The following PAK1IP1 variants were observed in gnomAD, a reference collection of about 807,000 sequenced individuals.
The protein encoded by PAK1IP1 is PAK1 interacting protein 1, also known as p21-activated protein kinase-interacting protein 1.
In PAK1IP1, 24 loss-of-function variants were observed where a neutral mutation model predicts 42.0. That is an observed-to-expected ratio of 0.57 (90% confidence interval 0.41 to 0.80). The LOEUF (loss-of-function observed/expected upper bound fraction) is 0.80. PAK1IP1 is among the 30% of genes least tolerant of loss of function. The pLI, the probability that PAK1IP1 is intolerant of heterozygous loss-of-function variation, is 0.00. For missense variants in PAK1IP1, 411 were observed against 467.9 expected (o/e 0.88, Z 1.12); for synonymous variants, 154 against 156.7 (o/e 0.98, Z 0.13).
upstream of PAK1IP1, chr6:10,694,608 C>CGTGTAGATCT: frequency 1.7e-5 from 3 of 178,118 alleles, no homozygotes; most frequent in Non-Finnish European, 3.6e-5. Flanking sequence ...AAGCAACCGG[C>CGTGTAGATCT]CGGAAGTCGG....
In PAK1IP1 at chr6:10,709,606, A is replaced by T. The variant is rs575036157; in HGVS notation, c.*154A>T. 7,746 of 407,424 alleles carry T rather than the reference A, an allele frequency of 0.019. 376 individuals carry two copies. Among genetic ancestry groups the T allele is most frequent in the African/African-American group, 0.15 (5,922 of 38,558 alleles). 25.2% of individuals were successfully genotyped at this position (407,424 alleles called of 1,614,324 possible). A position where few individuals can be genotyped will look rare whatever the true frequency, so the allele number is the denominator to read the frequency against. On this transcript the variant is annotated 3_prime_UTR_variant, in exon 10 of 10. Transcript: ENST00000379568. ...ACCACTTTTAGATGGTTTTTTTTAA[A>T]AAAAAAAAAAAAACTGGTAAAATTA...
At position 10,709,478 on chromosome 6, in the gene PAK1IP1, C is replaced by CT; in HGVS notation, c.*30dup. ...ATCACAGATGTCTCCTGAAAGAACT[C>CT]TTTTAGATGAAATCATTCTACTCAA... On this transcript the variant is annotated 3_prime_UTR_variant, in exon 10 of 10. Transcript: ENST00000379568. 1 of 1,479,110 alleles carries CT rather than the reference C, an allele frequency of 6.8e-7. No individual in the cohort carries two copies. Among genetic ancestry groups the CT allele is most frequent in the Non-Finnish European group, 9.3e-7 (1 of 1,079,658 alleles). The allele number at this position is 1,479,110 out of a possible 1,614,324, so 91.6% of individuals were successfully genotyped here.
chr6:10,709,346 G>C lies in PAK1IP1; in HGVS notation c.1073G>C (p.Ser358Thr). The C allele has an allele frequency of 6.2e-7, 1 of 1,613,862 alleles. No homozygotes were observed. Among genetic ancestry groups the C allele is most frequent in the Non-Finnish European group, 8.5e-7 (1 of 1,179,874 alleles). Reference protein sequence around the residue: ...NTKKRGLTGDSKKATKESGLI... With the variant: ...NTKKRGLTGDTKKATKESGLI... ...AAGAAACGCGGTTTAACAGGTGACA[G>C]TAAGAAAGCAACAAAAGAAAGTGGC... The change falls in exon 10 of 10, where the codon AGT becomes ACT. Residue 358 changes from serine to threonine, a missense_variant. Ser to Thr is a moderately conservative substitution (Grantham distance 58, BLOSUM62 1). Transcript: ENST00000379568.
intron 2 of PAK1IP1, among the ~76,000 whole-genome samples, chr6:10,697,715 C>T (rs2127478763): frequency 6.6e-6 from 1 of 152,044 alleles, no homozygotes; most frequent in East Asian, 1.9e-4. Flanking sequence ...GGAGACCAGA[C>T]CTGTCTCTAC....
intron 4 of PAK1IP1, among the ~76,000 whole-genome samples, chr6:10,702,983 T>C (rs1020419803): frequency 6.6e-6 from 1 of 152,100 alleles, no homozygotes; most frequent in African/African-American, 2.4e-5. Context: ...TTTTTTGTAT[T>C]TTTAGTAGAG....
intron 2 of PAK1IP1, among the ~76,000 whole-genome samples, chr6:10,701,996 A>C (rs1260549398): frequency 1.3e-5 from 2 of 152,180 alleles, no homozygotes; most frequent in African/African-American, 4.8e-5. Context: ...GCACTTTGGG[A>C]GGCTGAGGTG....
chr6:10,693,444 G>A (rs1458468983), upstream of PAK1IP1, among the ~76,000 whole-genome samples: 2 of 152,170 alleles, frequency 1.3e-5, no homozygotes, highest in East Asian at 1.9e-4. Flanking sequence ...CATCCCAAAT[G>A]AAATCATTTC....
rs1315889539 is a variant in PAK1IP1, at chr6:10,703,385, G to A, written c.444-20G>A. The A allele has an allele frequency of 6.2e-7, 1 of 1,601,478 alleles. No individual in the cohort carries two copies. The highest frequency in any genetic ancestry group is 1.3e-5 in the African/African-American group (1 of 74,704). Reference sequence around the variant, plus strand: ...AAGTTAGTTGGTGATCACACCGTAAGTGAGCTTCCTGTTTTGCAGAACGTG... The same window carrying A: ...AAGTTAGTTGGTGATCACACCGTAAATGAGCTTCCTGTTTTGCAGAACGTG... On this transcript the variant is annotated intron_variant, in intron 4 of 9. Coordinates refer to ENST00000379568, the MANE Select transcript of PAK1IP1 (RefSeq NM_017906.3).
chr6:10,697,520 AG>A, intron 2 of PAK1IP1, 34 bp downstream of exon 2: 1 of 1,486,134 alleles, frequency 6.7e-7, no homozygotes, highest in Non-Finnish European at 9.3e-7. Context: ...ATGAGAACAT[AG>A]AGGTTTTCTT....
At chr6:10,705,345 T>C (rs1232837225) in intron 7 of PAK1IP1, among the ~76,000 whole-genome samples, 1 of 152,068 alleles carries the variant, frequency 6.6e-6, no homozygotes, top group Non-Finnish European at 1.5e-5. Flanking sequence ...AATGCAAAAG[T>C]GGTGAAATTG....
intron 7 of PAK1IP1, among the ~76,000 whole-genome samples, chr6:10,706,805 C>T (rs887381796): frequency 9.2e-5 from 14 of 152,034 alleles, no homozygotes; most frequent in African/African-American, 3.1e-4. Context: ...ATCGTTTGAA[C>T]CCAGGAGGCG....
chr6:10,696,092 G>A (rs7764604), intron 1 of PAK1IP1, among the ~76,000 whole-genome samples: 12,285 of 152,058 alleles, frequency 0.081, 1,483 homozygotes, highest in African/African-American at 0.26. Context: ...GTCCTAGATA[G>A]GTTAAGTGAC....
chr6:10,694,601 C>A, upstream of PAK1IP1: 3 of 175,902 alleles, frequency 1.7e-5, no homozygotes, highest in Non-Finnish European at 3.7e-5. Flanking sequence ...AGCCCCTAAG[C>A]AACCGGCCGG....
At chr6:10,706,502 G>A (rs1581586386) in intron 7 of PAK1IP1, among the ~76,000 whole-genome samples, 1 of 152,184 alleles carries the variant, frequency 6.6e-6, no homozygotes, top group Non-Finnish European at 1.5e-5. Flanking sequence ...TATATGCCCA[G>A]CCACTTCTTC....
Position 10,709,595 on chromosome 6 carries a change from G to C in PAK1IP1, c.*143G>C. ...TATATTAAAAAACCACTTTTAGATG[G>C]TTTTTTTTAAAAAAAAAAAAAAAAC... On this transcript the variant is annotated 3_prime_UTR_variant, in exon 10 of 10. Coordinates refer to ENST00000379568, the MANE Select transcript of PAK1IP1 (RefSeq NM_017906.3). 3.5e-6 allele frequency: 1 copy of C among 289,774 alleles called. No homozygotes were observed. Among genetic ancestry groups the C allele is most frequent in the Non-Finnish European group, 5.6e-6 (1 of 179,010 alleles). The allele number at this position is 289,774 out of a possible 1,614,324, so 18.0% of individuals were successfully genotyped here.
chr6:10,700,058 CTTTT>C (rs200469018), intron 2 of PAK1IP1, among the ~76,000 whole-genome samples: 1 of 148,896 alleles, frequency 6.7e-6, no homozygotes, highest in Non-Finnish European at 1.5e-5. Flanking sequence ...AAAAAAACAA[CTTTT>C]TTTTTGGCGG....
intron 1 of PAK1IP1, among the ~76,000 whole-genome samples, chr6:10,696,291 G>T (rs1220593669): frequency 2.0e-5 from 3 of 152,158 alleles, no homozygotes; most frequent in Non-Finnish European, 2.9e-5. Context: ...TAGCAGACCC[G>T]CAAAAATGCT....
intron 8 of PAK1IP1, among the ~76,000 whole-genome samples, chr6:10,708,572 T>C (rs1309810841): frequency 1.3e-5 from 2 of 152,072 alleles, no homozygotes; most frequent in Non-Finnish European, 2.9e-5. Context: ...GGTGCATGTG[T>C]ACAACGTGCA....
At chr6:10,704,910 T>G (rs1171684525) in intron 7 of PAK1IP1, 66 bp downstream of exon 7, 6 of 933,532 alleles carry the variant, frequency 6.4e-6, no homozygotes, top group East Asian at 4.8e-5. Flanking sequence ...AGTAGTTTCA[T>G]AAGCCAGGTT....
Sources: gnomAD v4.1 joint callset for allele counts (sites outside exome capture counted in the v4.1 genomes callset) on GRCh38, gnomAD v4.1.1 for gene constraint, MANE v1.5 for transcripts, NCBI Gene and HGNC (gene_info 2026-07-23, HGNC 2026-07-21) for gene names.